The following ADAMTS12 variants were observed in gnomAD, a reference collection of about 807,000 sequenced individuals.
The protein encoded by ADAMTS12 is ADAM metallopeptidase with thrombospondin type 1 motif 12.
In ADAMTS12, 118 loss-of-function variants were observed where a neutral mutation model predicts 167.8. The ratio of observed to expected loss-of-function variants is 0.70; its 90% CI spans 0.61 to 0.82. The LOEUF is 0.82. Among genes scored for constraint, ADAMTS12 ranks in the 40% least tolerant of loss-of-function variants. The pLI is 0.00. For synonymous variants in ADAMTS12, 704 were observed against 716.9 expected (o/e 0.98, Z 0.29); for missense variants, 1,916 against 1,998.8 (o/e 0.96, Z 0.79).
chr5:33,790,104 C>G (rs571733997), intron 2 of ADAMTS12, among the ~76,000 whole-genome samples: 32 of 152,292 alleles, frequency 2.1e-4, no homozygotes, highest in East Asian at 1.9e-3. Context: ...AAAAAAAAGT[C>G]TCTTTACAGT....
chr5:33,764,747 A>C (rs112203525), intron 2 of ADAMTS12, among the ~76,000 whole-genome samples: 7 of 152,128 alleles, frequency 4.6e-5, no homozygotes, highest in African/African-American at 1.7e-4. Context: ...AAAATTGGGG[A>C]AAATATATAG....
rs149799574 is a variant in ADAMTS12 at position 33,697,433 on chromosome 5, T to C, written c.635-13378A>G. 4.4e-3 allele frequency among the ~76,000 whole-genome samples: 674 copies of C among 152,338 alleles called. 7 individuals carry two copies. The highest frequency in any genetic ancestry group is 0.015 in the African/African-American group (637 of 41,586). ...ATGCCAGGCCCAGAAATTACAGAGA[T>C]GAGTAAAAGCAACTTTACTGCCATT... On this transcript the variant is annotated intron_variant, in intron 3 of 23. Transcript: ENST00000504830.
intron 3 of ADAMTS12, among the ~76,000 whole-genome samples, chr5:33,741,746 G>A (rs1456087749): frequency 6.6e-6 from 1 of 152,088 alleles, no homozygotes; most frequent in South Asian, 2.1e-4. Context: ...TCCTGCCTCA[G>A]CCTCCCGAGT....
chr5:33,528,251 TAGAC>T (rs72391123), intron 23 of ADAMTS12, among the ~76,000 whole-genome samples: 5,267 of 151,902 alleles, frequency 0.035, 316 homozygotes, highest in African/African-American at 0.12. Context: ...AATGATATAA[TAGAC>T]AGGGGGCCCA....
chr5:33,566,686 C>T (rs1746032155), intron 19 of ADAMTS12, among the ~76,000 whole-genome samples: 1 of 152,196 alleles, frequency 6.6e-6, no homozygotes, highest in Non-Finnish European at 1.5e-5. Flanking sequence ...GAATAGGCTA[C>T]CTACAGTCAG....
chr5:33,655,419 C>T (rs2112204673), intron 7 of ADAMTS12, among the ~76,000 whole-genome samples: 4 of 152,074 alleles, frequency 2.6e-5, no homozygotes, highest in African/African-American at 2.4e-5. Context: ...AACTCTGAAA[C>T]GTGTGTTGTA....
intron 7 of ADAMTS12, among the ~76,000 whole-genome samples, chr5:33,655,689 T>C (rs1741034349): frequency 6.6e-6 from 1 of 151,720 alleles, no homozygotes; most frequent in African/African-American, 2.4e-5. Flanking sequence ...GTGCAGAATG[T>C]GCAGGTTTGT....
At position 33,686,934 on chromosome 5, in the gene ADAMTS12, T is replaced by G. The variant is rs565702503; in HGVS notation, c.635-2879A>C. ...TATATAGGCACTGAATATATATATA[T>G]ATAGAGAGAGAGAGAGAGAGAGCAA... On this transcript the variant is annotated intron_variant, in intron 3 of 23. Coordinates refer to ENST00000504830, the MANE Select transcript of ADAMTS12 (RefSeq NM_030955.4). Among the ~76,000 whole-genome samples the G allele has an allele frequency of 5.4e-3, 753 of 138,482 alleles. 8 individuals carry two copies. Among genetic ancestry groups the G allele is most frequent in the Middle Eastern group, 0.014 (4 of 278 alleles). The allele number at this position is 138,482 out of a possible 152,430, so 90.8% of individuals were successfully genotyped here. A position where few individuals can be genotyped will look rare whatever the true frequency, so the allele number is the denominator to read the frequency against.
At chr5:33,629,689 G>T (rs1409551646) in intron 13 of ADAMTS12, among the ~76,000 whole-genome samples, 3 of 152,032 alleles carry the variant, frequency 2.0e-5, no homozygotes, top group African/African-American at 4.8e-5. Flanking sequence ...ACCTTGGATT[G>T]GCGTCACCCT....
At chr5:33,791,573 T>A (rs1307487914) in intron 2 of ADAMTS12, among the ~76,000 whole-genome samples, 2 of 152,204 alleles carry the variant, frequency 1.3e-5, no homozygotes, top group African/African-American at 2.4e-5. Flanking sequence ...AAATTTGTAC[T>A]TCTATGCAGT....
At chr5:33,882,598 T>C (rs1750487287) in intron 1 of ADAMTS12, among the ~76,000 whole-genome samples, 1 of 152,194 alleles carries the variant, frequency 6.6e-6, no homozygotes, top group Non-Finnish European at 1.5e-5. Context: ...TTTTGTTTTG[T>C]ATTGTTTTTT....
intron 2 of ADAMTS12, among the ~76,000 whole-genome samples, chr5:33,866,955 T>C (rs896118028): frequency 6.6e-6 from 1 of 151,982 alleles, no homozygotes; most frequent in Non-Finnish European, 1.5e-5. Context: ...TAAATAAATG[T>C]TGGCATAGGT....
chr5:33,882,639 T>A (rs772091112), intron 1 of ADAMTS12, among the ~76,000 whole-genome samples: 3 of 152,190 alleles, frequency 2.0e-5, no homozygotes, highest in African/African-American at 4.8e-5. Flanking sequence ...TTGCCCAGGC[T>A]GGAGTGCAAT....
intron 2 of ADAMTS12, among the ~76,000 whole-genome samples, chr5:33,873,411 A>G (rs1750113178): frequency 6.6e-6 from 1 of 152,220 alleles, no homozygotes; most frequent in Non-Finnish European, 1.5e-5. Context: ...TGAAGGAAAT[A>G]AAAGAAGCTA....
chr5:33,823,876 G>A (rs988299074), intron 2 of ADAMTS12, among the ~76,000 whole-genome samples: 1 of 152,050 alleles, frequency 6.6e-6, no homozygotes. Flanking sequence ...GGTGAATTGG[G>A]GCAGAGAAGG....
At chr5:33,568,717 C>T (rs977954026) in intron 19 of ADAMTS12, among the ~76,000 whole-genome samples, 12 of 152,244 alleles carry the variant, frequency 7.9e-5, no homozygotes, top group Non-Finnish European at 1.3e-4. Context: ...GGGTTCATCT[C>T]ACTAGGGAGT....
intron 3 of ADAMTS12, among the ~76,000 whole-genome samples, chr5:33,749,188 C>A: frequency 6.6e-6 from 1 of 152,154 alleles, no homozygotes; most frequent in East Asian, 1.9e-4. Context: ...ATTGAACCCT[C>A]TGTTACACAC....
At chr5:33,868,166 T>C (rs985381982) in intron 2 of ADAMTS12, among the ~76,000 whole-genome samples, 13 of 152,200 alleles carry the variant, frequency 8.5e-5, no homozygotes, top group African/African-American at 1.7e-4. Flanking sequence ...TAGTCACAGG[T>C]AGTTCTTTAT....
chr5:33,576,364 A>G lies in ADAMTS12; in HGVS notation c.3662T>C (p.Leu1221Pro). ...PPFSTVMEGL[L>P]PSQRPTTSET... Reference sequence around the variant, plus strand: ...GGAAGTAGTGGGCCTTTGGCTGGGGAGCAGTCCTTCCATTACTGTGCTGAA... The same window carrying G: ...GGAAGTAGTGGGCCTTTGGCTGGGGGGCAGTCCTTCCATTACTGTGCTGAA... The change falls in exon 19 of 24, where the codon CTC becomes CCC. Residue 1221 changes from leucine (L) to proline (P), a missense_variant. Transcript: ENST00000504830. 1 of 1,614,038 alleles carries G rather than the reference A, an allele frequency of 6.2e-7. No homozygotes were observed. Among genetic ancestry groups the G allele is most frequent in the Non-Finnish European group, 8.5e-7 (1 of 1,180,012 alleles).
Sources: allele counts gnomAD v4.1 joint callset (sites outside exome capture counted in the v4.1 genomes callset), GRCh38; gene constraint gnomAD v4.1.1; transcripts MANE v1.5; gene names NCBI Gene and HGNC (gene_info 2026-07-23, HGNC 2026-07-21).